Variants in PHACTR1 observed in about 807,000 individuals in gnomAD.
PHACTR1 encodes RPEL repeat containing 1.
Under a neutral mutation model 69.2 loss-of-function variants are expected in PHACTR1, and 16 were observed. That is an observed-to-expected ratio of 0.23 (90% CI 0.16 to 0.35). PHACTR1 has a LOEUF of 0.35. PHACTR1 is among the 10% of genes least tolerant of loss of function. The pLI, the probability that PHACTR1 is intolerant of heterozygous loss-of-function variation, is 1.00. For synonymous variants in PHACTR1, 312 were observed against 284.5 expected, an observed-to-expected ratio of 1.10 and a Z score of -0.97; for missense variants, 510 against 734.7, an observed-to-expected ratio of 0.69 and a Z score of 3.54.
At chr6:13,182,795 C>A (rs774334153) in intron 7 of PHACTR1, 109 bp downstream of exon 7, 3 of 1,108,334 alleles carry the variant, frequency 2.7e-6, no homozygotes. Context: ...CTATCCTGAG[C>A]GTAAGGATCT....
At chr6:12,920,903 C>G (rs1787572854) in intron 4 of PHACTR1, among the ~76,000 whole-genome samples, 1 of 152,246 alleles carries the variant, frequency 6.6e-6, no homozygotes, top group South Asian at 2.1e-4. Flanking sequence ...ATGTTTCAAA[C>G]ACTGTACAAA....
At chr6:13,072,781 G>A (rs1809736118) in intron 5 of PHACTR1, among the ~76,000 whole-genome samples, 1 of 152,064 alleles carries the variant, frequency 6.6e-6, no homozygotes, top group Non-Finnish European at 1.5e-5. Context: ...GGTGTGAATA[G>A]TTTTATGGTT....
In PHACTR1 at chr6:12,919,864, A is replaced by G. The variant is rs116409554; in HGVS notation, c.251-133501A>G. On this transcript the variant is annotated intron_variant, in intron 4 of 14. Coordinates refer to ENST00000332995, the MANE Select transcript of PHACTR1 (RefSeq NM_030948.6). ...AATCCAGCACTGTGCCTAGGACTCT[A>G]GGAGCCCTGGAGTACAATGGAAAGA... Among the ~76,000 whole-genome samples the G allele has an allele frequency of 1.4e-3, 211 of 152,308 alleles. 1 individual carries two copies. The highest frequency in any genetic ancestry group is 5.0e-3 in the African/African-American group (206 of 41,562).
intron 4 of PHACTR1, among the ~76,000 whole-genome samples, chr6:12,752,529 C>G (rs936803137): frequency 1.5e-4 from 23 of 152,166 alleles, no homozygotes; most frequent in Non-Finnish European, 1.5e-5. Flanking sequence ...CTTTCCCACA[C>G]CAGTAATTAT....
intron 8 of PHACTR1, among the ~76,000 whole-genome samples, chr6:13,210,047 AC>A (rs1206928372): frequency 6.6e-6 from 1 of 152,150 alleles, no homozygotes; most frequent in African/African-American, 2.4e-5. Context: ...TCACTCTGGC[AC>A]CCAGGCTGTA....
At chr6:13,194,927 G>A (rs1450131025) in intron 7 of PHACTR1, among the ~76,000 whole-genome samples, 1 of 152,186 alleles carries the variant, frequency 6.6e-6, no homozygotes, top group Non-Finnish European at 1.5e-5. Context: ...ACGGAGGCCA[G>A]ATGTCTGCTG....
intron 13 of PHACTR1, among the ~76,000 whole-genome samples, chr6:13,284,543 A>AATATATATATAT (rs3037749): frequency 9.8e-5 from 6 of 61,352 alleles, no homozygotes; most frequent in African/African-American, 6.4e-4. Context: ...AAAAAAAAAA[A>AATATATATATAT]ATATATATAT....
intron 10 of PHACTR1, among the ~76,000 whole-genome samples, chr6:13,271,281 C>T (rs576919983): frequency 5.9e-5 from 9 of 152,182 alleles, no homozygotes; most frequent in Non-Finnish European, 1.3e-4. Context: ...GAGGGCTCCC[C>T]ATCCAAGCAC....
intron 4 of PHACTR1, among the ~76,000 whole-genome samples, chr6:12,851,194 A>G (rs1281112349): frequency 6.6e-6 from 1 of 152,248 alleles, no homozygotes; most frequent in Non-Finnish European, 1.5e-5. Flanking sequence ...AGACTGATCA[A>G]CAAGAATTGT....
chr6:13,230,391 A>C, intron 10 of PHACTR1, 198 bp downstream of exon 10: 1 of 1,278,588 alleles, frequency 7.8e-7, no homozygotes, highest in Non-Finnish European at 1.0e-6. Context: ...ATCTCTACTA[A>C]AAATGCAAAA....
chr6:12,901,301 A>G (rs187120655), intron 4 of PHACTR1, among the ~76,000 whole-genome samples: 29 of 152,268 alleles, frequency 1.9e-4, no homozygotes, highest in Non-Finnish European at 3.4e-4. Context: ...CTTGGCCTTC[A>G]TTGTAAGTGA....
intron 4 of PHACTR1, among the ~76,000 whole-genome samples, chr6:12,751,492 C>T (rs1051316509): frequency 1.3e-5 from 2 of 152,196 alleles, no homozygotes; most frequent in Admixed American, 1.3e-4. Flanking sequence ...CTTTGCTTAG[C>T]CCAGGAGGAA....
In PHACTR1 at chr6:12,937,356, A is replaced by AT. The variant is rs929720196; in HGVS notation, c.251-115997dup. 3.4e-3 allele frequency among the ~76,000 whole-genome samples: 508 copies of AT among 147,336 alleles called. 3 individuals carry two copies. The highest frequency in any genetic ancestry group is 0.011 in the Middle Eastern group (3 of 284). On this transcript the variant is annotated intron_variant, in intron 4 of 14. Transcript: ENST00000332995. The stretch of plus-strand genomic sequence containing the variant: ...CACCCAACACATACTAATTGAGTGG[A>AT]TTTTTTTTTTTTGACGGAGTTTCAC...
intron 4 of PHACTR1, among the ~76,000 whole-genome samples, chr6:13,024,969 T>C (rs1207535769): frequency 3.3e-5 from 5 of 152,062 alleles, no homozygotes; most frequent in Admixed American, 3.3e-4. Context: ...TTTTAGTTTT[T>C]CTAGAGGGCA....
intron 5 of PHACTR1, among the ~76,000 whole-genome samples, chr6:13,108,713 TCTTTTA>T (rs948070507): frequency 1.3e-5 from 2 of 152,038 alleles, no homozygotes; most frequent in Non-Finnish European, 2.9e-5. Flanking sequence ...TTTATACCAT[TCTTTTA>T]CTTTTAACCA....
intron 4 of PHACTR1, among the ~76,000 whole-genome samples, chr6:12,908,774 C>T (rs771671924): frequency 2.6e-5 from 4 of 152,044 alleles, no homozygotes; most frequent in East Asian, 1.9e-4. Flanking sequence ...GATGCCCAAG[C>T]GGTAGGAGGA....
intron 4 of PHACTR1, among the ~76,000 whole-genome samples, chr6:12,768,649 C>G (rs974449976): frequency 3.9e-5 from 6 of 151,932 alleles, no homozygotes; most frequent in African/African-American, 1.5e-4. Context: ...ACATGGGGTA[C>G]AGATATTTAT....
rs190025030 is a variant in PHACTR1 at position 12,777,610 on chromosome 6, C to T, written c.250+27820C>T. Among the ~76,000 whole-genome samples, 682 of 146,630 alleles carry T rather than the reference C, an allele frequency of 4.7e-3. 4 individuals carry two copies. The highest frequency in any genetic ancestry group is 7.8e-3 in the Non-Finnish European group (525 of 67,248). ...CATAATATTCCATGGTGTATATATA[C>T]CACCCTTTCTTCTTCTTTTTTTTTT... On this transcript the variant is annotated intron_variant, in intron 4 of 14. Transcript: ENST00000332995.
At chr6:13,178,890 G>C (rs573538859) in intron 6 of PHACTR1, among the ~76,000 whole-genome samples, 1 of 152,146 alleles carries the variant, frequency 6.6e-6, no homozygotes, top group East Asian at 1.9e-4. Flanking sequence ...TTCTTCCTGG[G>C]GAGAATTTTT....
Sources: allele counts gnomAD v4.1 joint callset (sites outside exome capture counted in the v4.1 genomes callset), GRCh38; gene constraint gnomAD v4.1.1; transcripts MANE v1.5; gene names NCBI Gene and HGNC (gene_info 2026-07-23, HGNC 2026-07-21).